NSD2: variants seen among roughly 807,000 people sequenced by gnomAD.
The protein encoded by NSD2 is nuclear receptor binding SET domain protein 2.
In NSD2, 12 loss-of-function variants were observed where a neutral mutation model predicts 139.0. That is an observed-to-expected ratio of 0.09 (90% confidence interval 0.06 to 0.14). NSD2 has a LOEUF of 0.14. NSD2 is among the 10% of genes least tolerant of loss of function. The probability of loss-of-function intolerance (pLI) is 1.00; values close to 1 mark genes in which losing one functional copy is unlikely to be tolerated. For missense variants in NSD2, 1,155 were observed against 1,745.0 expected, an observed-to-expected ratio of 0.66 and a Z score of 6.02; for synonymous variants, 669 against 648.7, an observed-to-expected ratio of 1.03 and a Z score of -0.48.
intron 1 of NSD2, among the ~76,000 whole-genome samples, chr4:1,877,655 T>C: frequency 6.6e-6 from 1 of 152,150 alleles, no homozygotes; most frequent in Non-Finnish European, 1.5e-5. Context: ...TCTTGTCTTT[T>C]CCATCGTCAC....
chr4:1,970,534 T>C (rs1458343185), intron 18 of NSD2, among the ~76,000 whole-genome samples: 2 of 151,894 alleles, frequency 1.3e-5, no homozygotes, highest in East Asian at 1.9e-4. Context: ...GAAGGAGTGA[T>C]GCGTACTCAG....
chr4:1,911,909 T>A (rs536125575), intron 3 of NSD2, among the ~76,000 whole-genome samples: 11 of 152,352 alleles, frequency 7.2e-5, no homozygotes, highest in African/African-American at 2.6e-4. Flanking sequence ...TAAGGAGCAT[T>A]TATCTGTGTC....
intron 5 of NSD2, among the ~76,000 whole-genome samples, chr4:1,927,809 A>G (rs1721137356): frequency 6.8e-6 from 1 of 146,204 alleles, no homozygotes; most frequent in Non-Finnish European, 1.5e-5. Context: ...TCTAATTTGT[A>G]GAGTCTCCAA....
chr4:1,889,667 A>G (rs1715382022), intron 1 of NSD2, among the ~76,000 whole-genome samples: 1 of 151,772 alleles, frequency 6.6e-6, no homozygotes, highest in Non-Finnish European at 1.5e-5. Context: ...ATGCCTGGCT[A>G]ATTTTGTATT....
At position 1,972,158 on chromosome 4, in the gene NSD2, GT is replaced by G. The variant is rs1726555221; in HGVS notation, c.3373-2701del. Among the ~76,000 whole-genome samples, 1 of 152,190 alleles carries G rather than the reference GT, an allele frequency of 6.6e-6. No individual in the cohort carries two copies. Among genetic ancestry groups the G allele is most frequent in the Non-Finnish European group, 1.5e-5 (1 of 68,038 alleles). ...CAACAGTGAGAGGCCAGGTCCACAG[GT>G]TTTCCCCTGCCCTCCTCATGTATGC... On this transcript the variant is annotated intron_variant, in intron 18 of 21. Transcript: ENST00000508803. The surrounding 1 kb of genome is among the most constrained non-coding windows in gnomAD (Gnocchi z 4.0).
chr4:1,947,466 T>G lies in NSD2; in HGVS notation c.1882-3606T>G, dbSNP rs1458455663. ...AGAGACTCACCCCCAGCCCTGACCC[T>G]AGAATTTAGGGATAGCCAGGAAGTT... On this transcript the variant is annotated intron_variant, in intron 9 of 21. Transcript: ENST00000508803. 4 of 1,058,332 alleles carry G rather than the reference T, an allele frequency of 3.8e-6. No homozygotes were observed. In the East Asian group the frequency reaches 1.6e-4, roughly 41 times the overall value. 65.6% of individuals were successfully genotyped at this position (1,058,332 alleles called of 1,614,324 possible).
chr4:1,975,409 G>C lies in NSD2; in HGVS notation c.3621+9G>C. On this transcript the variant is annotated intron_variant, in intron 20 of 21. Coordinates refer to ENST00000508803, the MANE Select transcript of NSD2 (RefSeq NM_001042424.3). ...TCGGGGATAGACCAAAGGTAAGGCT[G>C]TGGCGCCCTCCTTCCCCCCAGGCTC... The C allele has an allele frequency of 2.5e-6, 4 of 1,612,940 alleles. No homozygotes were observed. Among genetic ancestry groups the C allele is most frequent in the South Asian group, 1.1e-5 (1 of 91,050 alleles).
At position 1,951,074 on chromosome 4, in the gene NSD2, C is replaced by A; in HGVS notation, c.1884C>A (p.Val628=). 1.2e-6 allele frequency: 2 copies of A among 1,614,096 alleles called. No homozygotes were observed. The highest frequency in any genetic ancestry group is 1.1e-5 in the South Asian group (1 of 91,076). The change falls in exon 10 of 22, where the codon GTC becomes GTA. Residue 628 remains valine (V), a splice_region_variant and synonymous_variant. Transcript: ENST00000508803. ...SPSASLTENE[V]SDSPGDEPSE... ...TCATCCGCCTCCTTCATCTCTAGGTCTCGGACAGCCCGGGAGACGAGCCCT... is the reference window on the plus strand; with the variant it reads ...TCATCCGCCTCCTTCATCTCTAGGTATCGGACAGCCCGGGAGACGAGCCCT...
chr4:1,939,882 G>T, intron 9 of NSD2, 104 bp downstream of exon 9: 2 of 1,588,252 alleles, frequency 1.3e-6, no homozygotes, highest in Non-Finnish European at 1.7e-6. Context: ...CGCAGCATTG[G>T]TGCTCACTGC....
intron 1 of NSD2, among the ~76,000 whole-genome samples, chr4:1,872,133 G>T (rs996901542): frequency 6.6e-6 from 1 of 151,988 alleles, no homozygotes; most frequent in African/African-American, 2.4e-5. Context: ...GCGCCCGGGC[G>T]TTGGTCAGCG....
rs752608193 is a variant in NSD2 at position 1,918,371 on chromosome 4, C to T, written c.1158C>T (p.Asn386=). 1 of 1,614,072 alleles carries T rather than the reference C, an allele frequency of 6.2e-7. No individual in the cohort carries two copies. The highest frequency in any genetic ancestry group is 1.7e-5 in the Admixed American group (1 of 59,994). Residue 386 remains asparagine, a synonymous_variant, in exon 5 of 22, where the codon AAC becomes AAT. Transcript: ENST00000508803. The part of the protein sequence containing the change: ...SSGVSEEAAE[N]PKSVREECIP... ...GAGTCAGTGAAGAAGCTGCTGAAAA[C>T]CCCAAGTCTGTGAGAGAAGAGTGCA...
At position 1,973,290 on chromosome 4, in the gene NSD2, G is replaced by A. The variant is rs190432487; in HGVS notation, c.3373-1573G>A. Among the ~76,000 whole-genome samples the A allele has an allele frequency of 6.6e-5, 10 of 152,300 alleles. No homozygotes were observed. The highest frequency in any genetic ancestry group is 7.4e-5 in the Non-Finnish European group (5 of 68,026). On this transcript the variant is annotated intron_variant, in intron 18 of 21. Transcript: ENST00000508803. The surrounding 1 kb of genome is among the most constrained non-coding windows in gnomAD (Gnocchi z 5.5). ...TAAGAAGGAAGTGGCACTGGGCCCC[G>A]CTGGTAATGGTAGGAATGTAGGTTA...
intron 1 of NSD2, among the ~76,000 whole-genome samples, chr4:1,899,828 T>C (rs979653563): frequency 1.3e-5 from 2 of 152,246 alleles, no homozygotes; most frequent in African/African-American, 4.8e-5. Context: ...ACCTGTGTTG[T>C]GGCTCAGCAG....
In NSD2 at chr4:1,981,137, TA is replaced by T. The variant is rs1727719392; in HGVS notation, c.*2229del. On this transcript the variant is annotated 3_prime_UTR_variant, in exon 22 of 22. Coordinates refer to ENST00000508803, the MANE Select transcript of NSD2 (RefSeq NM_001042424.3). The stretch of plus-strand genomic sequence containing the variant: ...TTGTGATTTTTAATCGCTTTGATAA[TA>T]CTTCCAAATTTTATGATTTTTCTGA... 4.3e-6 allele frequency: 1 copy of T among 233,210 alleles called. No homozygotes were observed. Among genetic ancestry groups the T allele is most frequent in the South Asian group, 1.8e-4 (1 of 5,538 alleles). 14.4% of individuals were successfully genotyped at this position (233,210 alleles called of 1,614,324 possible).
chr4:1,932,223 G>A (rs1305666139), intron 6 of NSD2, among the ~76,000 whole-genome samples: 1 of 151,982 alleles, frequency 6.6e-6, no homozygotes, highest in Admixed American at 6.6e-5. Context: ...GATCACTTGA[G>A]GCCAGGAATT....
Position 1,976,805 on chromosome 4 carries a change from C to G in NSD2, c.3826+126C>G, listed in dbSNP as rs950096001. 2.0e-6 allele frequency: 2 copies of G among 983,242 alleles called. No individual in the cohort carries two copies. The highest frequency in any genetic ancestry group is 1.5e-6 in the Non-Finnish European group (1 of 682,666). The allele number at this position is 983,242 out of a possible 1,614,324, so 60.9% of individuals were successfully genotyped here. On this transcript the variant is annotated intron_variant, in intron 21 of 21. Coordinates refer to ENST00000508803, the MANE Select transcript of NSD2 (RefSeq NM_001042424.3). The surrounding 1 kb of genome is among the most constrained non-coding windows in gnomAD (Gnocchi z 5.3). ...GCAGGCACATCAGGCGCTCATGCAG[C>G]GAAGGCCCTGATCCAGGGTGGCAGA...
intron 1 of NSD2, among the ~76,000 whole-genome samples, chr4:1,882,820 T>A (rs760413960): frequency 3.3e-5 from 5 of 152,176 alleles, no homozygotes; most frequent in Non-Finnish European, 5.9e-5. Flanking sequence ...AAATGCACAT[T>A]TTCATGTCTC....
chr4:1,939,838 C>T (rs1001798592), intron 9 of NSD2, 60 bp downstream of exon 9: 88 of 1,611,790 alleles, frequency 5.5e-5, no homozygotes, highest in Non-Finnish European at 5.4e-5. Flanking sequence ...TAGCTGCCCA[C>T]GCTGCAGTGT....
chr4:1,934,103 TAGAC>T (rs1305666351), intron 6 of NSD2, among the ~76,000 whole-genome samples: 1 of 152,072 alleles, frequency 6.6e-6, no homozygotes, highest in African/African-American at 2.4e-5. Flanking sequence ...GTTTTTTTTT[TAGAC>T]AGAGTTTCGT....
Sources: gnomAD v4.1 joint callset for allele counts (sites outside exome capture counted in the v4.1 genomes callset) on GRCh38, gnomAD v4.1.1 for gene constraint, Gnocchi (gnomAD v3.1) non-coding constraint, MANE v1.5 for transcripts, NCBI Gene and HGNC (gene_info 2026-07-23, HGNC 2026-07-21) for gene names.